The following TBC1D9B variants were observed in gnomAD, a reference collection of about 807,000 sequenced individuals.
TBC1D9B encodes TBC1 domain family member 9B.
A neutral mutation model predicts 121.1 loss-of-function variants in TBC1D9B; 87 were observed. The ratio of observed to expected loss-of-function variants is 0.72; its 90% CI spans 0.60 to 0.86. TBC1D9B has a LOEUF of 0.86. Among genes scored for constraint, TBC1D9B ranks in the 40% least tolerant of loss-of-function variants. The pLI is 0.00. For missense variants in TBC1D9B, 1,540 were observed against 1,628.6 expected, an observed-to-expected ratio of 0.95 and a Z score of 0.94; for synonymous variants, 668 against 670.1, an observed-to-expected ratio of 1.00 and a Z score of 0.05.
At position 179,890,237 on chromosome 5, in the gene TBC1D9B, C is replaced by A. The variant is rs1760822324; in HGVS notation, c.1044+1142G>T. ...GGGTCAGCGCTGGCTGGGCAGGCGG[C>A]CCCCACCCTGACCAGCTGCAGAGTT... On this transcript the variant is annotated intron_variant, in intron 6 of 20. Coordinates refer to ENST00000355235, the MANE Select transcript of TBC1D9B (RefSeq NM_015043.4). The surrounding 1 kb of genome is among the most constrained non-coding windows in gnomAD (Gnocchi z 5.0). Among the ~76,000 whole-genome samples the A allele has an allele frequency of 6.6e-6, 1 of 152,188 alleles. No individual in the cohort carries two copies. Among genetic ancestry groups the A allele is most frequent in the South Asian group, 2.1e-4 (1 of 4,832 alleles).
intron 17 of TBC1D9B, chr5:179,868,137 C>G (rs114048281): frequency 4.2e-6 from 1 of 237,186 alleles, no homozygotes; most frequent in Non-Finnish European, 8.1e-6. Context: ...TACTGGGCTA[C>G]AGTGATTCTC....
chr5:179,900,114 G>T (rs186720104), intron 2 of TBC1D9B, among the ~76,000 whole-genome samples: 1 of 152,294 alleles, frequency 6.6e-6, no homozygotes, highest in East Asian at 1.9e-4. Flanking sequence ...CAGCCACTCA[G>T]GATGCTGAGG....
intron 17 of TBC1D9B, 63 bp from the exon 18 acceptor site, chr5:179,867,912 T>G: frequency 6.9e-7 from 1 of 1,456,838 alleles, no homozygotes; most frequent in Non-Finnish European, 9.1e-7. Flanking sequence ...TCAGAGTAAG[T>G]TCCCTCCAGC....
At chr5:179,869,856 G>T in intron 16 of TBC1D9B, 22 bp from the exon 17 acceptor site, 2 of 1,532,572 alleles carry the variant, frequency 1.3e-6, no homozygotes, top group East Asian at 2.3e-5. Flanking sequence ...GCCAGGGAGG[G>T]CTGGGTCTGG....
At chr5:179,883,627 T>C (rs76573568) in intron 7 of TBC1D9B, among the ~76,000 whole-genome samples, 2 of 152,190 alleles carry the variant, frequency 1.3e-5, no homozygotes, top group African/African-American at 4.8e-5. Flanking sequence ...TAAACATTTT[T>C]AATTTATACC....
At chr5:179,876,153 T>C in intron 10 of TBC1D9B, 116 bp from the exon 11 acceptor site, 1 of 718,336 alleles carries the variant, frequency 1.4e-6, no homozygotes, top group African/African-American at 1.9e-5. Flanking sequence ...ATCTTCTTTT[T>C]GTTGTTGTTA....
intron 3 of TBC1D9B, among the ~76,000 whole-genome samples, chr5:179,897,189 A>G (rs900218264): frequency 4.6e-5 from 7 of 151,962 alleles, no homozygotes; most frequent in Middle Eastern, 3.4e-3. Flanking sequence ...TTACAGGCAT[A>G]AGCCACTGCG....
rs1362837202 is a variant in TBC1D9B, at chr5:179,890,886, G to T, written c.1044+493C>A. ...AGTGAGAGCCAATGCAGCCTCACAG[G>T]GGAGAGCCGACGCCGCCCCACAGGG... On this transcript the variant is annotated intron_variant, in intron 6 of 20. Transcript: ENST00000355235. This position sits in a 1 kb window ranked among gnomAD's most constrained non-coding sequence, Gnocchi z 5.0. Among the ~76,000 whole-genome samples, 1 of 152,168 alleles carries T rather than the reference G, an allele frequency of 6.6e-6. No homozygotes were observed.
chr5:179,865,644 C>G lies in TBC1D9B; in HGVS notation c.2914+194G>C. 1 of 656,138 alleles carries G rather than the reference C, an allele frequency of 1.5e-6. No homozygotes were observed. Among genetic ancestry groups the G allele is most frequent in the Non-Finnish European group, 2.6e-6 (1 of 383,636 alleles). 40.6% of individuals were successfully genotyped at this position (656,138 alleles called of 1,614,324 possible). Reference sequence around the variant, plus strand: ...CTGGAGAGAAGCTGGCAAGAGAGGGCTGGCTGGGTGCCCGTGGGGCTGGTG... The same window carrying G: ...CTGGAGAGAAGCTGGCAAGAGAGGGGTGGCTGGGTGCCCGTGGGGCTGGTG... On this transcript the variant is annotated intron_variant, in intron 19 of 20. Coordinates refer to ENST00000355235, the MANE Select transcript of TBC1D9B (RefSeq NM_015043.4). The surrounding 1 kb of genome is among the most constrained non-coding windows in gnomAD (Gnocchi z 5.1).
intron 7 of TBC1D9B, among the ~76,000 whole-genome samples, chr5:179,883,984 T>C (rs148316723): frequency 0.014 from 2,102 of 152,286 alleles, 52 homozygotes; most frequent in African/African-American, 0.048. Context: ...GCTTTTCTCC[T>C]TTACCCCAAG....
Position 179,885,369 on chromosome 5 carries a change from C to T in TBC1D9B, c.1254+2734G>A, listed in dbSNP as rs889019990. ...CTTTGGGAGGCTGAGGCAGGTGGAT[C>T]GCCTGAGGTCAGGAGTTCAAGACCA... On this transcript the variant is annotated intron_variant, in intron 7 of 20. Transcript: ENST00000355235. The surrounding 1 kb of genome is among the most constrained non-coding windows in gnomAD (Gnocchi z 4.5). Among the ~76,000 whole-genome samples, 4 of 152,144 alleles carry T rather than the reference C, an allele frequency of 2.6e-5. No homozygotes were observed. The highest frequency in any genetic ancestry group is 7.2e-5 in the African/African-American group (3 of 41,424).
intron 12 of TBC1D9B, among the ~76,000 whole-genome samples, chr5:179,873,685 A>G (rs2113611832): frequency 6.6e-6 from 1 of 152,246 alleles, no homozygotes; most frequent in Non-Finnish European, 1.5e-5. Flanking sequence ...GGCCTGCTGC[A>G]GCCCAGGGAA....
intron 7 of TBC1D9B, chr5:179,887,816 T>C: frequency 2.0e-6 from 1 of 493,264 alleles, no homozygotes. Flanking sequence ...GGCTTTGCTC[T>C]GAGTGCAGCA....
In TBC1D9B at chr5:179,875,832, C is replaced by G. The variant is rs781530984; in HGVS notation, c.1900+88G>C. On this transcript the variant is annotated intron_variant, in intron 11 of 20. Coordinates refer to ENST00000355235, the MANE Select transcript of TBC1D9B (RefSeq NM_015043.4). The surrounding 1 kb of genome is among the most constrained non-coding windows in gnomAD (Gnocchi z 4.5). ...AACTCCTAGGGAACCCACGTGAAGC[C>G]TGGAGCTTGGCCTGGGAAGGGCTGC... is the stretch of plus-strand genomic sequence containing the variant. 182 of 1,096,322 alleles carry G rather than the reference C, an allele frequency of 1.7e-4. No homozygotes were observed. Among genetic ancestry groups the G allele is most frequent in the Non-Finnish European group, 2.3e-4 (177 of 782,900 alleles). 67.9% of individuals were successfully genotyped at this position (1,096,322 alleles called of 1,614,324 possible).
At chr5:179,869,699 C>A in intron 17 of TBC1D9B, 70 bp downstream of exon 17, 1 of 1,538,122 alleles carries the variant, frequency 6.5e-7, no homozygotes, top group Non-Finnish European at 8.9e-7. Context: ...CTCACAGAGG[C>A]CTGTCCTCTG....
At position 179,875,885 on chromosome 5, in the gene TBC1D9B, G is replaced by T; in HGVS notation, c.1900+35C>A. On this transcript the variant is annotated intron_variant, in intron 11 of 20. Transcript: ENST00000355235. The surrounding 1 kb of genome is among the most constrained non-coding windows in gnomAD (Gnocchi z 4.5). ...CCCTCATGGAACCAGCAGGCACCTGGAGACCCAGGCGAGGCAGCACCCGGG... is the reference window on the plus strand; with the variant it reads ...CCCTCATGGAACCAGCAGGCACCTGTAGACCCAGGCGAGGCAGCACCCGGG... 1 of 1,535,508 alleles carries T rather than the reference G, an allele frequency of 6.5e-7. No individual in the cohort carries two copies. The highest frequency in any genetic ancestry group is 1.2e-5 in the South Asian group (1 of 80,462).
Position 179,894,445 on chromosome 5 carries a change from C to T in TBC1D9B, c.518G>A (p.Gly173Asp), listed in dbSNP as rs751465557. ...GTGGTTGACCGTCAGGTACAGCCAG[C>T]CCTGCCGGGGCACGCGGCCCTTCCA... Reference protein sequence around the residue: ...SYWKGRVPRQGWLYLTVNHLC... With the variant: ...SYWKGRVPRQDWLYLTVNHLC... Residue 173 changes from glycine to aspartate, a missense_variant, in exon 4 of 21, where the codon GGC (glycine) becomes GAC (aspartate). Transcript: ENST00000355235. 6.2e-7 allele frequency: 1 copy of T among 1,614,098 alleles called. No individual in the cohort carries two copies. The highest frequency in any genetic ancestry group is 8.5e-7 in the Non-Finnish European group (1 of 1,179,988).
rs762470334 is a variant in TBC1D9B at position 179,890,943 on chromosome 5, G to A, written c.1044+436C>T. 6.6e-6 allele frequency among the ~76,000 whole-genome samples: 1 copy of A among 152,214 alleles called. No individual in the cohort carries two copies. Among genetic ancestry groups the A allele is most frequent in the Non-Finnish European group, 1.5e-5 (1 of 68,032 alleles). On this transcript the variant is annotated intron_variant, in intron 6 of 20. Transcript: ENST00000355235. The surrounding 1 kb of genome is among the most constrained non-coding windows in gnomAD (Gnocchi z 5.0). Reference sequence around the variant, plus strand: ...CGACCTCTGATGGCCTGCTGGAGCCGAGCCACGCCAAGGTGGTATGTCCAG... The same window carrying A: ...CGACCTCTGATGGCCTGCTGGAGCCAAGCCACGCCAAGGTGGTATGTCCAG...
At chr5:179,897,073 AT>A (rs935684862) in intron 3 of TBC1D9B, among the ~76,000 whole-genome samples, 2 of 149,410 alleles carry the variant, frequency 1.3e-5, no homozygotes, top group African/African-American at 2.5e-5. Flanking sequence ...TGCCCGGCTA[AT>A]TTTTTTGTAT....
Sources: allele counts gnomAD v4.1 joint callset (sites outside exome capture counted in the v4.1 genomes callset), GRCh38; gene constraint gnomAD v4.1.1; non-coding constraint Gnocchi (gnomAD v3.1); transcripts MANE v1.5; gene names NCBI Gene and HGNC (gene_info 2026-07-23, HGNC 2026-07-21).